Variants in SOX5 observed in about 807,000 individuals in gnomAD.
SOX5 encodes transcription factor SOX-5.
SOX5 carries 9 observed loss-of-function variants against 92.0 expected under a neutral mutation model. The observed-to-expected ratio is 0.10, with a 90% CI of 0.06 to 0.17. The LOEUF is 0.17. Ranked by LOEUF, SOX5 falls within the 10% of genes least tolerant of loss-of-function variation. The pLI is 1.00. For missense variants in SOX5, 642 were observed against 944.5 expected (o/e 0.68, Z 4.20); for synonymous variants, 344 against 336.3 (o/e 1.02, Z -0.25).
At chr12:24,057,338 C>T (rs1369136752) in intron 4 of SOX5, among the ~76,000 whole-genome samples, 2 of 152,146 alleles carry the variant, frequency 1.3e-5, no homozygotes, top group South Asian at 2.1e-4. Context: ...TTGTGAACAA[C>T]ATAACTGAAG....
chr12:24,197,336 T>C (rs1031217189), intron 4 of SOX5, among the ~76,000 whole-genome samples: 1 of 152,182 alleles, frequency 6.6e-6, no homozygotes, highest in African/African-American at 2.4e-5. Context: ...TATGTGTGTA[T>C]TCTAATAAGC....
rs1170998452 is a variant in SOX5 at position 23,845,992 on chromosome 12, C to T, written c.472G>A (p.Glu158Lys). ...CTCTTCCAGCCTTTACCTTCCGGCTCGTTTTTGATGAGCTCTTCCATTTTC... is the reference window on the plus strand; with the variant it reads ...CTCTTCCAGCCTTTACCTTCCGGCTTGTTTTTGATGAGCTCTTCCATTTTC... ...QRKMEELIKN[E>K]PEETPSIEKL... The change falls in exon 3 of 15, where the codon GAG becomes AAG. Residue 158 changes from glutamate to lysine, a missense_variant. Physicochemically the swap from Glu to Lys is moderately conservative, Grantham distance 56. Around this residue, in one of 8 missense-constraint regions of SOX5, gnomAD observed 324 missense variants for 461.6 expected, o/e 0.70. Transcript: ENST00000451604. 3 of 1,613,542 alleles carry T rather than the reference C, an allele frequency of 1.9e-6. No homozygotes were observed. Among genetic ancestry groups the T allele is most frequent in the Non-Finnish European group, 8.5e-7 (1 of 1,179,470 alleles).
intron 3 of SOX5, among the ~76,000 whole-genome samples, chr12:23,840,633 C>A (rs1388238267): frequency 6.6e-6 from 1 of 152,022 alleles, no homozygotes; most frequent in African/African-American, 2.4e-5. Context: ...AGACGATAGA[C>A]CAACTGATCA....
chr12:24,154,839 T>A (rs1435254448), intron 4 of SOX5, among the ~76,000 whole-genome samples: 1 of 152,134 alleles, frequency 6.6e-6, no homozygotes, highest in Non-Finnish European at 1.5e-5. Context: ...ATAGAATTAA[T>A]AATAATTATG....
At chr12:23,658,019 T>C (rs933233415) in intron 7 of SOX5, among the ~76,000 whole-genome samples, 3 of 152,174 alleles carry the variant, frequency 2.0e-5, no homozygotes, top group African/African-American at 4.8e-5. Flanking sequence ...TGTGTACGTA[T>C]TTTGGTGGTG....
chr12:24,518,357 C>A (rs755421679), intron 1 of SOX5, among the ~76,000 whole-genome samples: 1 of 152,126 alleles, frequency 6.6e-6, no homozygotes, highest in African/African-American at 2.4e-5. Context: ...GCATGAGCCA[C>A]CATGCCCAGA....
chr12:24,119,341 T>C lies in SOX5; in HGVS notation c.-2+94002A>G, dbSNP rs151168898. Among the ~76,000 whole-genome samples, 145 of 152,194 alleles carry C rather than the reference T, an allele frequency of 9.5e-4. 1 individual carries two copies. Among genetic ancestry groups the C allele is most frequent in the African/African-American group, 2.9e-3 (120 of 41,562 alleles). The stretch of plus-strand genomic sequence containing the variant: ...ATTAGCACTATTCTCACCATCAACA[T>C]TGGGAGAAATCATTTAAAAATAAGA... On this transcript the variant is annotated intron_variant, in intron 4 of 4. Coordinates refer to the SOX5 transcript ENST00000446891.
At chr12:24,522,779 G>A (rs1454318442) in intron 1 of SOX5, among the ~76,000 whole-genome samples, 1 of 152,050 alleles carries the variant, frequency 6.6e-6, no homozygotes, top group Non-Finnish European at 1.5e-5. Context: ...AACAGTAAAA[G>A]CCATATATAA....
chr12:23,638,787 G>A (rs2079615289), intron 8 of SOX5, among the ~76,000 whole-genome samples: 1 of 151,740 alleles, frequency 6.6e-6, no homozygotes, highest in Non-Finnish European at 1.5e-5. Context: ...AAGCACCCTA[G>A]CAAAAGTGAG....
intron 1 of SOX5, among the ~76,000 whole-genome samples, chr12:24,457,099 G>T (rs1943102279): frequency 6.6e-6 from 1 of 152,096 alleles, no homozygotes; most frequent in Non-Finnish European, 1.5e-5. Flanking sequence ...TACTATTAAA[G>T]CTCAATCTTA....
intron 1 of SOX5, among the ~76,000 whole-genome samples, chr12:24,493,226 T>C (rs896214799): frequency 6.6e-6 from 1 of 152,184 alleles, no homozygotes; most frequent in Admixed American, 6.5e-5. Context: ...TGCGCAAATT[T>C]GAAATCGCTG....
intron 11 of SOX5, among the ~76,000 whole-genome samples, chr12:23,555,914 C>T (rs1407396101): frequency 6.6e-6 from 1 of 152,170 alleles, no homozygotes; most frequent in Non-Finnish European, 1.5e-5. Context: ...AGGCTATAGA[C>T]AGCCTATACT....
chr12:23,795,873 A>G (rs1034864627), intron 3 of SOX5, among the ~76,000 whole-genome samples: 2 of 152,170 alleles, frequency 1.3e-5, no homozygotes, highest in African/African-American at 4.8e-5. Context: ...CCTGGAAACA[A>G]TCTTCAAAGA....
intron 4 of SOX5, among the ~76,000 whole-genome samples, chr12:24,141,034 G>C (rs529919961): frequency 1.2e-3 from 154 of 130,394 alleles, no homozygotes; most frequent in Middle Eastern, 3.9e-3. Context: ...ATACGCAGTA[G>C]GTATTTCTGG....
At chr12:23,892,250 T>C (rs187779076) in intron 2 of SOX5, among the ~76,000 whole-genome samples, 2 of 152,274 alleles carry the variant, frequency 1.3e-5, no homozygotes, top group South Asian at 2.1e-4. Context: ...CTGAGTCTTA[T>C]GGGAGAAATA....
At chr12:24,231,226 ATTATT>A (rs1469517696) in intron 3 of SOX5, among the ~76,000 whole-genome samples, 1 of 152,204 alleles carries the variant, frequency 6.6e-6, no homozygotes, top group Non-Finnish European at 1.5e-5. Flanking sequence ...CCACATTAGA[ATTATT>A]TTATTTTTAA....
chr12:24,415,682 G>T (rs1195318576), intron 1 of SOX5, among the ~76,000 whole-genome samples: 2 of 152,134 alleles, frequency 1.3e-5, no homozygotes, highest in Admixed American at 6.5e-5. Flanking sequence ...GAAATTTCAG[G>T]TCCTAATATT....
intron 7 of SOX5, among the ~76,000 whole-genome samples, chr12:23,641,748 G>A (rs893875490): frequency 2.0e-5 from 3 of 152,046 alleles, no homozygotes; most frequent in Admixed American, 2.0e-4. Flanking sequence ...TATAAGTAAT[G>A]TACATTATTT....
chr12:23,924,492 T>C (rs551254275), intron 1 of SOX5, among the ~76,000 whole-genome samples: 1 of 152,268 alleles, frequency 6.6e-6, no homozygotes, highest in East Asian at 1.9e-4. Flanking sequence ...TAATATAATG[T>C]TTTCTTCCCT....
Sources: allele counts gnomAD v4.1 joint callset (sites outside exome capture counted in the v4.1 genomes callset), GRCh38; gene constraint gnomAD v4.1.1; regional missense constraint gnomAD v4.1.1; transcripts MANE v1.5; gene names NCBI Gene and HGNC (gene_info 2026-07-23, HGNC 2026-07-21).